The following CFAP20DC variants were observed in gnomAD, a reference collection of about 807,000 sequenced individuals.
The protein encoded by CFAP20DC is protein CFAP20DC.
In CFAP20DC, 84 loss-of-function variants were observed where a neutral mutation model predicts 101.7. The ratio of observed to expected loss-of-function variants is 0.83; its 90% CI spans 0.69 to 0.99. The LOEUF (loss-of-function observed/expected upper bound fraction) is 0.99. Among genes scored for constraint, CFAP20DC ranks in the 50% least tolerant of loss-of-function variants. The pLI is 0.00. For synonymous variants in CFAP20DC, 359 were observed against 351.2 expected (o/e 1.02, Z -0.25); for missense variants, 1,007 against 970.3 (o/e 1.04, Z -0.50).
rs538353787 is a variant in CFAP20DC, at chr3:58,965,053, T to G, written c.279-27291A>C. On this transcript the variant is annotated intron_variant, in intron 4 of 16. Transcript: ENST00000482387. ...TTGTGTTTCATATGCTCTTTATCTGTGAAATTTGTCTTCATACCTCTACCA... is the reference window on the plus strand; with the variant it reads ...TTGTGTTTCATATGCTCTTTATCTGGGAAATTTGTCTTCATACCTCTACCA... 2.6e-5 allele frequency among the ~76,000 whole-genome samples: 4 copies of G among 152,368 alleles called. No homozygotes were observed. In the East Asian group the frequency reaches 7.7e-4, roughly 29 times the overall value.
Position 58,863,257 on chromosome 3 carries a change from G to A in CFAP20DC, c.1593+301C>T. 1 of 1,387,428 alleles carries A rather than the reference G, an allele frequency of 7.2e-7. No homozygotes were observed. The highest frequency in any genetic ancestry group is 9.3e-7 in the Non-Finnish European group (1 of 1,078,040). The allele number at this position is 1,387,428 out of a possible 1,614,324, so 85.9% of individuals were successfully genotyped here. ...GTGTTTTACTGGTCTTGCTATCATAGCACTAAACTGCATATCGTTTCTCAT... is the reference window on the plus strand; with the variant it reads ...GTGTTTTACTGGTCTTGCTATCATAACACTAAACTGCATATCGTTTCTCAT... On this transcript the variant is annotated intron_variant, in intron 12 of 16. Coordinates refer to ENST00000482387, the MANE Select transcript of CFAP20DC (RefSeq NM_001394063.1). The surrounding 1 kb of genome is among the most constrained non-coding windows in gnomAD (Gnocchi z 5.9).
At chr3:58,716,443 A>G (rs947061032), downstream of CFAP20DC, among the ~76,000 whole-genome samples, 2 of 151,948 alleles carry the variant, frequency 1.3e-5, no homozygotes, top group South Asian at 2.1e-4. Context: ...GATTACAGGC[A>G]TGAGCCACCG....
chr3:58,941,852 G>A (rs1158765033), intron 4 of CFAP20DC, among the ~76,000 whole-genome samples: 6 of 152,238 alleles, frequency 3.9e-5, no homozygotes, highest in African/African-American at 9.6e-5. Flanking sequence ...CACTGTGCCC[G>A]GCCCTTTCAT....
At chr3:58,837,943 T>G (rs2076849189) in intron 13 of CFAP20DC, among the ~76,000 whole-genome samples, 1 of 152,178 alleles carries the variant, frequency 6.6e-6, no homozygotes, top group Non-Finnish European at 1.5e-5. Context: ...GATGGTAAAT[T>G]AGTGTTCCAG....
chr3:58,967,943 T>C (rs139800503), intron 4 of CFAP20DC, among the ~76,000 whole-genome samples: 1 of 152,196 alleles, frequency 6.6e-6, no homozygotes, highest in Non-Finnish European at 1.5e-5. Flanking sequence ...CTCCCACTTA[T>C]AAGTGAGAAC....
intron 12 of CFAP20DC, among the ~76,000 whole-genome samples, chr3:58,851,044 C>CTTA (rs2108323572): frequency 6.6e-6 from 1 of 152,268 alleles, no homozygotes; most frequent in South Asian, 2.1e-4. Context: ...GGGGATCTAT[C>CTTA]TTATCATTTT....
At chr3:58,858,857 A>G (rs752446210) in intron 12 of CFAP20DC, among the ~76,000 whole-genome samples, 5 of 152,366 alleles carry the variant, frequency 3.3e-5, no homozygotes, top group East Asian at 1.9e-4. Flanking sequence ...CAGAGCTAGT[A>G]TATGTATACT....
intron 15 of CFAP20DC, among the ~76,000 whole-genome samples, chr3:58,768,143 G>A (rs1276309136): frequency 6.6e-6 from 1 of 152,142 alleles, no homozygotes; most frequent in Non-Finnish European, 1.5e-5. Flanking sequence ...TTGGTCCAGA[G>A]GTGGACACCC....
chr3:58,846,702 GC>G, intron 13 of CFAP20DC, among the ~76,000 whole-genome samples: 1 of 151,168 alleles, frequency 6.6e-6, no homozygotes, highest in East Asian at 2.0e-4. Flanking sequence ...AGCCCGCATC[GC>G]CAAGTCAATC....
At chr3:58,814,517 CAGG>C (rs2074955327) in intron 14 of CFAP20DC, among the ~76,000 whole-genome samples, 1 of 150,948 alleles carries the variant, frequency 6.6e-6, no homozygotes, top group Non-Finnish European at 1.5e-5. Context: ...GGCAATTAGG[CAGG>C]AGAAGGAAAT....
chr3:58,984,216 A>C (rs1429654863), intron 4 of CFAP20DC, among the ~76,000 whole-genome samples: 1 of 152,226 alleles, frequency 6.6e-6, no homozygotes, highest in Non-Finnish European at 1.5e-5. Flanking sequence ...TGAAGTGCCC[A>C]AGAGAACTTC....
chr3:58,941,578 T>A (rs2088595124), intron 4 of CFAP20DC, among the ~76,000 whole-genome samples: 1 of 150,504 alleles, frequency 6.6e-6, no homozygotes, highest in Admixed American at 6.6e-5. Flanking sequence ...TTCTTTTTCT[T>A]TTTTTTTTGA....
chr3:59,000,766 A>C (rs560748515), intron 4 of CFAP20DC, among the ~76,000 whole-genome samples: 1 of 152,160 alleles, frequency 6.6e-6, no homozygotes, highest in East Asian at 1.9e-4. Context: ...ATGAGAGTAG[A>C]GTGTGTTCCC....
chr3:58,831,637 C>G, intron 14 of CFAP20DC, 49 bp downstream of exon 14: 1 of 1,538,036 alleles, frequency 6.5e-7, no homozygotes, highest in Non-Finnish European at 9.0e-7. Context: ...TAGAAAAAAG[C>G]TTGCTCCTTG....
chr3:58,978,248 AT>A (rs1576565988), intron 4 of CFAP20DC, among the ~76,000 whole-genome samples: 1 of 152,014 alleles, frequency 6.6e-6, no homozygotes, highest in Admixed American at 6.6e-5. Flanking sequence ...CTGCCTTATA[AT>A]AGCATCCTAT....
rs943969026 is a variant in CFAP20DC, at chr3:58,864,828, G to C, written c.1259-936C>G. On this transcript the variant is annotated intron_variant, in intron 11 of 16. Transcript: ENST00000482387. The surrounding 1 kb of genome is among the most constrained non-coding windows in gnomAD (Gnocchi z 4.7). ...TCTGCTGGGTGAAAAAGGTCTTTAA[G>C]TTTACAAGAGACAATGTTTTGATAT... is the stretch of plus-strand genomic sequence containing the variant. 1.3e-5 allele frequency among the ~76,000 whole-genome samples: 2 copies of C among 152,144 alleles called. No homozygotes were observed. The highest frequency in any genetic ancestry group is 4.8e-5 in the African/African-American group (2 of 41,430).
At chr3:58,811,530 C>T (rs1321195202) in intron 14 of CFAP20DC, among the ~76,000 whole-genome samples, 2 of 152,072 alleles carry the variant, frequency 1.3e-5, no homozygotes, top group Non-Finnish European at 2.9e-5. Flanking sequence ...GGATTCCTTC[C>T]TTATACCTTA....
intron 15 of CFAP20DC, among the ~76,000 whole-genome samples, chr3:58,759,660 G>A (rs951865457): frequency 1.8e-4 from 27 of 152,264 alleles, no homozygotes; most frequent in African/African-American, 6.3e-4. Flanking sequence ...GGGTTTTTAT[G>A]GTTTTAGGTC....
intron 5 of CFAP20DC, among the ~76,000 whole-genome samples, chr3:58,937,049 T>C (rs556140499): frequency 2.0e-5 from 3 of 151,560 alleles, no homozygotes; most frequent in Non-Finnish European, 2.9e-5. Flanking sequence ...GAGAGTAATA[T>C]TGAAATGACT....
Sources: gnomAD v4.1 joint callset for allele counts (sites outside exome capture counted in the v4.1 genomes callset) on GRCh38, gnomAD v4.1.1 for gene constraint, Gnocchi (gnomAD v3.1) non-coding constraint, MANE v1.5 for transcripts, NCBI Gene and HGNC (gene_info 2026-07-23, HGNC 2026-07-21) for gene names.